EMID1: variants seen among roughly 807,000 people sequenced by gnomAD.
The protein encoded by EMID1 is EMI domain containing 1.
Under a neutral mutation model 60.6 loss-of-function variants are expected in EMID1, and 40 were observed. The ratio of observed to expected loss-of-function variants is 0.66; its 90% confidence interval spans 0.51 to 0.86. The LOEUF is 0.86. Ranked by LOEUF, EMID1 falls within the 40% of genes least tolerant of loss-of-function variation. The probability of loss-of-function intolerance (pLI) is 0.00; values close to 1 mark genes in which losing one functional copy is unlikely to be tolerated. For synonymous variants in EMID1, 242 were observed against 231.0 expected, an observed-to-expected ratio of 1.05 and a Z score of -0.43; for missense variants, 585 against 597.1, an observed-to-expected ratio of 0.98 and a Z score of 0.21.
intron 12 of EMID1, among the ~76,000 whole-genome samples, chr22:29,239,651 G>T (rs1046207565): frequency 6.6e-6 from 1 of 152,098 alleles, no homozygotes; most frequent in African/African-American, 2.4e-5. Context: ...TCACTGGAAG[G>T]TAGACATAAT....
chr22:29,223,873 A>G (rs1184694471), intron 3 of EMID1, among the ~76,000 whole-genome samples: 1 of 152,218 alleles, frequency 6.6e-6, no homozygotes, highest in African/African-American at 2.4e-5. Flanking sequence ...GGCCAGGGTA[A>G]ATGCTAAACA....
At chr22:29,219,185 C>A (rs918357243) in intron 3 of EMID1, among the ~76,000 whole-genome samples, 6 of 152,158 alleles carry the variant, frequency 3.9e-5, no homozygotes, top group African/African-American at 1.2e-4. Context: ...AGGGGTCTTT[C>A]CCCTGCAGCA....
intron 5 of EMID1, among the ~76,000 whole-genome samples, chr22:29,228,156 CAAAAAAAAAA>C (rs748240529): frequency 2.6e-5 from 1 of 38,930 alleles, no homozygotes; most frequent in Non-Finnish European, 5.5e-5. Flanking sequence ...AACTCCATCT[CAAAAAAAAAA>C]AAAAAAAAAA....
chr22:29,256,370 C>CA lies in EMID1; in HGVS notation c.1204+2083_1204+2084insA, dbSNP rs1312563417. Among the ~76,000 whole-genome samples the CA allele has an allele frequency of 2.0e-5, 3 of 148,252 alleles. No homozygotes were observed. The Admixed American group carries it at 2.1e-4, about 10-fold the overall frequency. ...ATCCCAGCTACTCGGGAGGCTGAGG[C>CA]GGAGAATCACTTGAACCCAAGAGGC... On this transcript the variant is annotated intron_variant, in intron 14 of 14. Coordinates refer to ENST00000334018, the MANE Select transcript of EMID1 (RefSeq NM_133455.4).
At chr22:29,208,162 C>A (rs542973141) in intron 1 of EMID1, among the ~76,000 whole-genome samples, 2 of 152,308 alleles carry the variant, frequency 1.3e-5, no homozygotes, top group Admixed American at 6.5e-5. Flanking sequence ...GTGGCCCCAT[C>A]CCCACGTTGC....
At chr22:29,247,305 A>G (rs16987316) in intron 13 of EMID1, among the ~76,000 whole-genome samples, 6,579 of 152,276 alleles carry the variant, frequency 0.043, 296 homozygotes, top group East Asian at 0.14. Flanking sequence ...AGTTGGTACA[A>G]TGAATGTCAT....
In EMID1 at chr22:29,258,854, A is replaced by G. The variant is rs1569014554; in HGVS notation, c.1242A>G (p.Thr414=). 4.3e-6 allele frequency: 7 copies of G among 1,612,948 alleles called. No individual in the cohort carries two copies. Among genetic ancestry groups the G allele is most frequent in the Non-Finnish European group, 5.9e-6 (7 of 1,179,720 alleles). ...GGTCTGGGGCGGGCCCTGCCGGCAC[A>G]GGCACCCCCAGCCTCCTTCGGGGCA... ...ELGSGAGPAG[T]GTPSLLRGKR... Residue 414 remains threonine, a synonymous_variant, in exon 15 of 15, where the codon ACA becomes ACG. Transcript: ENST00000334018.
At chr22:29,207,442 C>T (rs2039713524) in intron 1 of EMID1, among the ~76,000 whole-genome samples, 1 of 152,154 alleles carries the variant, frequency 6.6e-6, no homozygotes. Flanking sequence ...CTGCCCAGAG[C>T]ATGGAAGTGA....
chr22:29,247,948 CT>C (rs34056530), intron 13 of EMID1, among the ~76,000 whole-genome samples: 18,599 of 139,546 alleles, frequency 0.13, 1,259 homozygotes, highest in East Asian at 0.24. Flanking sequence ...TTTTTTTTTA[CT>C]TTTTTTTTTT....
chr22:29,240,306 C>T (rs543546177), intron 12 of EMID1, among the ~76,000 whole-genome samples: 5 of 152,268 alleles, frequency 3.3e-5, no homozygotes, highest in South Asian at 4.1e-4. Flanking sequence ...GTGGGTATTT[C>T]GCTTCCTCCA....
At chr22:29,214,547 G>A (rs527831246) in intron 1 of EMID1, among the ~76,000 whole-genome samples, 1 of 152,320 alleles carries the variant, frequency 6.6e-6, no homozygotes, top group South Asian at 2.1e-4. Flanking sequence ...AGATGGAGAG[G>A]CCACTCACTG....
At chr22:29,255,191 C>T in intron 14 of EMID1, 2 of 288,012 alleles carry the variant, frequency 6.9e-6, no homozygotes, top group Non-Finnish European at 1.5e-5. Flanking sequence ...GCAGTGCCCT[C>T]CCACCCTCCC....
chr22:29,240,806 G>A (rs752492033), intron 12 of EMID1, among the ~76,000 whole-genome samples: 17 of 152,196 alleles, frequency 1.1e-4, no homozygotes, highest in Non-Finnish European at 2.2e-4. Context: ...CTCCATACTT[G>A]TGTTGGCCCC....
chr22:29,235,240 C>T (rs1028693174), intron 12 of EMID1, among the ~76,000 whole-genome samples: 2 of 150,770 alleles, frequency 1.3e-5, no homozygotes, highest in African/African-American at 2.4e-5. Flanking sequence ...CCCAGCTACT[C>T]GGGAGGCTGA....
chr22:29,208,158 C>G (rs73399048), intron 1 of EMID1, among the ~76,000 whole-genome samples: 1,565 of 152,282 alleles, frequency 0.01, 25 homozygotes, highest in African/African-American at 0.036. Context: ...ACTTGTGGCC[C>G]CATCCCCACG....
intron 1 of EMID1, among the ~76,000 whole-genome samples, chr22:29,208,946 G>A (rs1216015014): frequency 6.6e-6 from 1 of 152,230 alleles, no homozygotes; most frequent in Non-Finnish European, 1.5e-5. Context: ...TGGACAAAAT[G>A]AGGTCCAGAG....
At chr22:29,245,306 G>A (rs2041291973) in intron 13 of EMID1, among the ~76,000 whole-genome samples, 1 of 152,186 alleles carries the variant, frequency 6.6e-6, no homozygotes, top group Non-Finnish European at 1.5e-5. Context: ...TCTCCCAGAG[G>A]CCCTTGGTCT....
chr22:29,250,943 G>A (rs1348959226), intron 13 of EMID1, among the ~76,000 whole-genome samples: 7 of 128,256 alleles, frequency 5.5e-5, no homozygotes, highest in African/African-American at 2.1e-4. Flanking sequence ...TTTGAGATAG[G>A]GTCTTGCTGT....
intron 4 of EMID1, 134 bp from the exon 5 acceptor site, chr22:29,226,356 A>C: frequency 2.1e-6 from 2 of 966,560 alleles, no homozygotes; most frequent in Non-Finnish European, 3.0e-6. Context: ...GCCCTTCCCA[A>C]GCCTAAGGTC....
Sources: gnomAD v4.1 joint callset for allele counts (sites outside exome capture counted in the v4.1 genomes callset) on GRCh38, gnomAD v4.1.1 for gene constraint, MANE v1.5 for transcripts, NCBI Gene and HGNC (gene_info 2026-07-23, HGNC 2026-07-21) for gene names.